Variants in RMDN2 observed in about 807,000 individuals in gnomAD.
RMDN2 encodes the protein regulator of microtubule dynamics protein 2.
A neutral mutation model predicts 52.8 loss-of-function variants in RMDN2; 61 were observed. The observed-to-expected ratio is 1.16, with a 90% CI of 0.94 to 1.43. The LOEUF (loss-of-function observed/expected upper bound fraction) is 1.43. Among genes scored for constraint, RMDN2 ranks in the 40% most tolerant of loss-of-function variants. The pLI is 0.00. For synonymous variants in RMDN2, 180 were observed against 153.1 expected, an observed-to-expected ratio of 1.18 and a Z score of -1.30; for missense variants, 592 against 475.3, an observed-to-expected ratio of 1.25 and a Z score of -2.28.
intron 10 of RMDN2, among the ~76,000 whole-genome samples, chr2:38,066,389 A>G (rs1244768446): frequency 1.3e-5 from 2 of 152,248 alleles, no homozygotes; most frequent in Non-Finnish European, 2.9e-5. Flanking sequence ...ATTTTCCTCC[A>G]TAATTCCAAG....
intron 10 of RMDN2, among the ~76,000 whole-genome samples, chr2:38,024,029 G>A (rs2125262359): frequency 6.6e-6 from 1 of 152,128 alleles, no homozygotes; most frequent in South Asian, 2.1e-4. Context: ...TATATAAGTA[G>A]AATTATGTGT....
intron 5 of RMDN2, among the ~76,000 whole-genome samples, chr2:37,982,906 C>G (rs1377555045): frequency 6.6e-6 from 1 of 152,110 alleles, no homozygotes; most frequent in Non-Finnish European, 1.5e-5. Flanking sequence ...TTGTGGTGAT[C>G]AAGCCCTACT....
intron 10 of RMDN2, chr2:38,030,945 G>A (rs1027350033): frequency 4.6e-5 from 7 of 151,728 alleles, no homozygotes; most frequent in Non-Finnish European, 8.8e-5. Context: ...TTTCTAAAAA[G>A]TGCTTAAGGC....
At chr2:38,055,234 G>A (rs971847663) in intron 10 of RMDN2, among the ~76,000 whole-genome samples, 9 of 151,752 alleles carry the variant, frequency 5.9e-5, no homozygotes, top group African/African-American at 2.2e-4. Flanking sequence ...ACATCTTGCA[G>A]TCAAAGTTGC....
chr2:37,951,249 C>G lies in RMDN2; in HGVS notation c.452+21520C>G, dbSNP rs1188707586. 1.9e-6 allele frequency: 3 copies of G among 1,593,486 alleles called. No individual in the cohort carries two copies. Among genetic ancestry groups the G allele is most frequent in the Non-Finnish European group, 2.6e-6 (3 of 1,173,214 alleles). On this transcript the variant is annotated intron_variant, in intron 2 of 10. Coordinates refer to ENST00000354545, the MANE Select transcript of RMDN2 (RefSeq NM_001170791.3). ...CACTCTTAGCTGCTGCAAAGAGGAC[C>G]AGAGCTTCCAACGATGTTCTCCAGA... is the stretch of plus-strand genomic sequence containing the variant.
At chr2:37,974,260 T>C in intron 3 of RMDN2, 46 bp downstream of exon 3, 3 of 1,229,516 alleles carry the variant, frequency 2.4e-6, no homozygotes, top group Non-Finnish European at 3.4e-6. Context: ...ATTTTTTAAT[T>C]TAATCTGCCA....
intron 2 of RMDN2, among the ~76,000 whole-genome samples, chr2:37,947,629 A>G (rs991605320): frequency 2.6e-5 from 4 of 152,202 alleles, no homozygotes; most frequent in Admixed American, 2.6e-4. Context: ...AATCAGGCAC[A>G]TTTGATAAAC....
At chr2:37,924,521 C>T (rs1054316551), upstream of RMDN2, among the ~76,000 whole-genome samples, 7 of 152,202 alleles carry the variant, frequency 4.6e-5, no homozygotes, top group African/African-American at 1.7e-4. Context: ...TCCACCACCA[C>T]GCCCGGCTAA....
intron 10 of RMDN2, among the ~76,000 whole-genome samples, chr2:38,032,660 G>T (rs550033327): frequency 9.3e-4 from 141 of 152,164 alleles, no homozygotes; most frequent in African/African-American, 3.4e-3. Context: ...GCCAACATGG[G>T]GAAACCCCGT....
chr2:38,044,778 C>T (rs1681170927), intron 10 of RMDN2, among the ~76,000 whole-genome samples: 1 of 152,032 alleles, frequency 6.6e-6, no homozygotes, highest in African/African-American at 2.4e-5. Flanking sequence ...GATTATATTA[C>T]CCACCTATTC....
At chr2:37,975,655 A>G (rs114653428) in intron 4 of RMDN2, among the ~76,000 whole-genome samples, 3,464 of 152,230 alleles carry the variant, frequency 0.023, 126 homozygotes, top group African/African-American at 0.08. Flanking sequence ...GTGTATACCT[A>G]TGACCTGCAT....
intron 2 of RMDN2, among the ~76,000 whole-genome samples, chr2:37,938,479 C>A (rs958789229): frequency 6.6e-6 from 1 of 152,194 alleles, no homozygotes; most frequent in African/African-American, 2.4e-5. Flanking sequence ...GGTACCGCTC[C>A]ACTTTGTACC....
chr2:38,003,651 T>C (rs1212836718), intron 8 of RMDN2, among the ~76,000 whole-genome samples: 1 of 152,050 alleles, frequency 6.6e-6, no homozygotes, highest in Non-Finnish European at 1.5e-5. Context: ...GTCCTAGGAA[T>C]ATCACCAGTT....
rs531665941 is a variant in RMDN2 at position 38,017,560 on chromosome 2, T to C, written c.*321T>C. ...CAATAAAATGAATTCTCATGAATAT[T>C]TTATTGTTTCAATGGAGACTTCGTA... On this transcript the variant is annotated 3_prime_UTR_variant, in exon 11 of 11. Coordinates refer to ENST00000354545, the MANE Select transcript of RMDN2 (RefSeq NM_001170791.3). 27 of 1,195,594 alleles carry C rather than the reference T, an allele frequency of 2.3e-5. No individual in the cohort carries two copies. In the East Asian group the frequency reaches 3.3e-4, roughly 15 times the overall value. 74.1% of individuals were successfully genotyped at this position (1,195,594 alleles called of 1,614,324 possible). A position where few individuals can be genotyped will look rare whatever the true frequency, so the allele number is the denominator to read the frequency against.
chr2:37,947,117 C>G (rs2124944296), intron 2 of RMDN2, among the ~76,000 whole-genome samples: 1 of 152,108 alleles, frequency 6.6e-6, no homozygotes, highest in Admixed American at 6.5e-5. Flanking sequence ...GGTTACTTTG[C>G]AAAGTATGAG....
intron 1 of RMDN2, among the ~76,000 whole-genome samples, chr2:37,927,321 G>A (rs1217310084): frequency 6.6e-6 from 1 of 152,220 alleles, no homozygotes; most frequent in Non-Finnish European, 1.5e-5. Flanking sequence ...TCACTTCCCA[G>A]TTGGGTGATC....
intron 2 of RMDN2, among the ~76,000 whole-genome samples, chr2:37,955,927 T>C (rs150890601): frequency 6.6e-6 from 1 of 151,614 alleles, no homozygotes; most frequent in Admixed American, 6.6e-5. Context: ...ATAATCCTTC[T>C]AATGGGTTGT....
At chr2:38,007,710 T>C (rs1677320155) in intron 10 of RMDN2, among the ~76,000 whole-genome samples, 1 of 152,220 alleles carries the variant, frequency 6.6e-6, no homozygotes, top group South Asian at 2.1e-4. Context: ...TTTCCTTCAG[T>C]TCTGCTCTGA....
chr2:38,050,559 G>T (rs904329549), intron 10 of RMDN2, among the ~76,000 whole-genome samples: 1 of 152,126 alleles, frequency 6.6e-6, no homozygotes, highest in South Asian at 2.1e-4. Context: ...GTTTTAGTTG[G>T]TCAGAAAAGC....
Sources: gnomAD v4.1 joint callset for allele counts (sites outside exome capture counted in the v4.1 genomes callset) on GRCh38, gnomAD v4.1.1 for gene constraint, MANE v1.5 for transcripts, NCBI Gene and HGNC (gene_info 2026-07-23, HGNC 2026-07-21) for gene names.